TSEN2: variants seen among roughly 807,000 people sequenced by gnomAD.
The protein encoded by TSEN2 is tRNA splicing endonuclease subunit 2.
In TSEN2, 54 loss-of-function variants were observed where a neutral mutation model predicts 59.2. The ratio of observed to expected loss-of-function variants is 0.91; its 90% confidence interval spans 0.73 to 1.14. TSEN2 has a LOEUF of 1.14. TSEN2 is among the 50% of genes most tolerant of loss of function. The pLI is 0.00. For synonymous variants in TSEN2, 195 were observed against 198.2 expected (o/e 0.98, Z 0.14); for missense variants, 636 against 576.2 (o/e 1.10, Z -1.06).
At chr3:12,483,095 G>A (rs955022334), upstream of TSEN2, among the ~76,000 whole-genome samples, 1 of 152,242 alleles carries the variant, frequency 6.6e-6, no homozygotes, top group African/African-American at 2.4e-5. Flanking sequence ...AAAGGGCCAG[G>A]CAGGATGCAG....
intron 6 of TSEN2, chr3:12,505,471 G>A: frequency 2.1e-6 from 1 of 479,764 alleles, no homozygotes; most frequent in Non-Finnish European, 3.8e-6. Flanking sequence ...GGGTTTTTCT[G>A]AGTACTTCTT....
At chr3:12,525,696 A>G (rs118095352) in intron 8 of TSEN2, among the ~76,000 whole-genome samples, 2,488 of 152,266 alleles carry the variant, frequency 0.016, 42 homozygotes, top group South Asian at 0.059. Context: ...AGGTGGGACT[A>G]CAGGCATGCA....
chr3:12,523,416 C>T (rs1334507299), intron 8 of TSEN2, among the ~76,000 whole-genome samples: 1 of 151,900 alleles, frequency 6.6e-6, no homozygotes, highest in Admixed American at 6.6e-5. Context: ...CCTGTTGTGA[C>T]GTCCAGCCCA....
At chr3:12,491,502 G>A (rs1362698138) in intron 2 of TSEN2, among the ~76,000 whole-genome samples, 6 of 152,146 alleles carry the variant, frequency 3.9e-5, no homozygotes, top group Admixed American at 3.9e-4. Context: ...CCTGCCTTCA[G>A]GCACACTGTG....
At chr3:12,530,456 C>T (rs2057390101) in intron 10 of TSEN2, 17 of 985,420 alleles carry the variant, frequency 1.7e-5, no homozygotes, top group South Asian at 4.7e-5. Flanking sequence ...CTATATCCTT[C>T]GTGTTGCCAT....
chr3:12,530,349 G>A (rs1559365670), intron 10 of TSEN2: 1 of 986,840 alleles, frequency 1.0e-6, no homozygotes, highest in Non-Finnish European at 1.2e-6. Context: ...GAGAAACCAA[G>A]GTTGGAGCCG....
chr3:12,538,979 G>A (rs992134907), intron 10 of TSEN2: 4 of 320,706 alleles, frequency 1.2e-5, no homozygotes, highest in African/African-American at 9.2e-5. Flanking sequence ...GACACAGGCT[G>A]GAATTTTACT....
In TSEN2 at chr3:12,516,569, A is replaced by G. The variant is rs12491241; in HGVS notation, c.910-42A>G. 0.015 allele frequency: 24,747 copies of G among 1,606,704 alleles called. 315 individuals are homozygous for G. Among genetic ancestry groups the G allele is most frequent in the East Asian group, 0.043 (1,910 of 44,766 alleles). ...TGTAAAATGGTTTCACAAGAATGTG[A>G]AACTATTTGTAATGAGCATTTTCTG... is the stretch of plus-strand genomic sequence containing the variant. On this transcript the variant is annotated intron_variant, in intron 6 of 11. Coordinates refer to ENST00000284995, the MANE Select transcript of TSEN2 (RefSeq NM_025265.4).
intron 8 of TSEN2, among the ~76,000 whole-genome samples, chr3:12,528,025 T>G (rs888737166): frequency 6.6e-6 from 1 of 152,246 alleles, no homozygotes; most frequent in Non-Finnish European, 1.5e-5. Context: ...TTCCCCCATC[T>G]TCTTCAGGTC....
intron 2 of TSEN2, 22 bp downstream of exon 2, chr3:12,490,011 A>G: frequency 6.2e-7 from 1 of 1,612,826 alleles, no homozygotes; most frequent in Non-Finnish European, 8.5e-7. Flanking sequence ...CAGCCTTGGT[A>G]AGATTACTTT....
chr3:12,520,365 C>G (rs1228400998), intron 8 of TSEN2, among the ~76,000 whole-genome samples: 1 of 152,184 alleles, frequency 6.6e-6, no homozygotes. Context: ...ATAATAGTTT[C>G]CAGGGCCAGT....
chr3:12,532,040 T>G (rs2057492672), intron 11 of TSEN2, among the ~76,000 whole-genome samples: 1 of 152,210 alleles, frequency 6.6e-6, no homozygotes, highest in Non-Finnish European at 1.5e-5. Context: ...GCGCCTCCTG[T>G]CATCTTGGCT....
chr3:12,504,442 G>A (rs891228085), intron 5 of TSEN2, among the ~76,000 whole-genome samples: 2 of 151,972 alleles, frequency 1.3e-5, no homozygotes, highest in Non-Finnish European at 2.9e-5. Context: ...AAATTGCTGG[G>A]TGTGGTGGTA....
At chr3:12,517,807 T>C (rs965525716) in intron 7 of TSEN2, among the ~76,000 whole-genome samples, 1 of 152,126 alleles carries the variant, frequency 6.6e-6, no homozygotes, top group Non-Finnish European at 1.5e-5. Flanking sequence ...AGCTGTGACA[T>C]AAAAGCCTCA....
intron 6 of TSEN2, among the ~76,000 whole-genome samples, chr3:12,509,740 G>A (rs1202477659): frequency 2.0e-5 from 3 of 152,196 alleles, no homozygotes; most frequent in East Asian, 3.9e-4. Context: ...ATTTGTTAGA[G>A]CACAGAAAAT....
intron 10 of TSEN2, chr3:12,530,905 C>G (rs777850239): frequency 1.1e-4 from 27 of 247,492 alleles, no homozygotes; most frequent in Non-Finnish European, 1.6e-4. Flanking sequence ...TGTATTAGTC[C>G]ATTCTCATGC....
chr3:12,538,997 G>A, intron 10 of TSEN2: 1 of 325,202 alleles, frequency 3.1e-6, no homozygotes, highest in South Asian at 2.3e-5. Flanking sequence ...ACTGATTTCA[G>A]TCATTGCTGG....
At chr3:12,511,214 C>T (rs999448266) in intron 6 of TSEN2, 4 of 151,560 alleles carry the variant, frequency 2.6e-5, no homozygotes, top group African/African-American at 4.9e-5. Flanking sequence ...GGCTGTAGGG[C>T]GTTATTAATT....
intron 10 of TSEN2, chr3:12,531,302 A>G: frequency 2.4e-6 from 1 of 412,170 alleles, no homozygotes; most frequent in Non-Finnish European, 4.5e-6. Flanking sequence ...TTGAGGACTT[A>G]CTATATTTAG....
Sources: allele counts gnomAD v4.1 joint callset (sites outside exome capture counted in the v4.1 genomes callset), GRCh38; gene constraint gnomAD v4.1.1; transcripts MANE v1.5; gene names NCBI Gene and HGNC (gene_info 2026-07-23, HGNC 2026-07-21).